HROB: variants seen among roughly 807,000 people sequenced by gnomAD.
HROB encodes homologous recombination factor with OB-fold, also known as homologous recombination OB-fold protein.
Under a neutral mutation model 61.0 loss-of-function variants are expected in HROB, and 44 were observed. The observed-to-expected ratio is 0.72, with a 90% CI of 0.57 to 0.93. The LOEUF (loss-of-function observed/expected upper bound fraction) is 0.93. HROB is among the 40% of genes least tolerant of loss of function. The probability of loss-of-function intolerance (pLI) is 0.00; values close to 1 mark genes in which losing one functional copy is unlikely to be tolerated. For synonymous variants in HROB, 301 were observed against 310.4 expected (o/e 0.97, Z 0.32); for missense variants, 716 against 796.2 (o/e 0.90, Z 1.21).
rs367741443 is a variant in HROB at position 44,148,970 on chromosome 17, C to T, written c.1167C>T (p.Pro389=). ...GGACACCCCAGCAGCCCACCCATCC[C>T]TCCACCCGAGCCAAAACTCGCCGTT... ...ASRTPQQPTH[P]STRAKTRRFP... The change falls in exon 3 of 10, where the codon CCC becomes CCT. Residue 389 remains proline (P), a synonymous_variant. Transcript: ENST00000585683. 42 of 1,613,972 alleles carry T rather than the reference C, an allele frequency of 2.6e-5. No homozygotes were observed. In the South Asian group the frequency reaches 4.0e-4, roughly 15 times the overall value.
At chr17:44,153,755 CAA>C (rs963832621) in intron 5 of HROB, among the ~76,000 whole-genome samples, 2 of 151,780 alleles carry the variant, frequency 1.3e-5, no homozygotes, top group Non-Finnish European at 2.9e-5. Flanking sequence ...AAGAAAAAAA[CAA>C]AAACCAAACA....
Position 44,145,247 on chromosome 17 carries a change from A to G in HROB, c.48A>G (p.Glu16=). The change falls in exon 2 of 10, where the codon GAA becomes GAG. Residue 16 remains glutamate (E), a synonymous_variant. Transcript: ENST00000585683. The part of the protein sequence containing the change: ...QKLFAVEEEF[E]DEDFLSAVED... ...TGTTTGCTGTGGAAGAGGAGTTTGA[A>G]GATGAGGTAGGGAAGTGTTGATGAT... The G allele has an allele frequency of 6.2e-7, 1 of 1,613,828 alleles. No individual in the cohort carries two copies. The highest frequency in any genetic ancestry group is 8.5e-7 in the Non-Finnish European group (1 of 1,179,772).
In HROB at chr17:44,157,831, A is replaced by C; in HGVS notation, c.1771-2A>C. 6.2e-7 allele frequency: 1 copy of C among 1,611,288 alleles called. No individual in the cohort carries two copies. The highest frequency in any genetic ancestry group is 1.7e-4 in the Middle Eastern group (1 of 6,046). The stretch of plus-strand genomic sequence containing the variant: ...ATTGGTAACCAGATCCTCTGTCCCC[A>C]GGATTCAGGGAGCTTCCAGCATGAT... On this transcript the variant is annotated splice_acceptor_variant, in intron 8 of 9. Transcript: ENST00000585683. LOFTEE classifies it high-confidence loss of function.
chr17:44,151,070 T>C (rs1279067451), intron 4 of HROB, 26 bp downstream of exon 4: 1 of 1,581,856 alleles, frequency 6.3e-7, no homozygotes. Context: ...GTTAACTTTC[T>C]GGGTGTGATT....
chr17:44,149,457 C>G (rs2053731520), intron 3 of HROB, among the ~76,000 whole-genome samples: 1 of 152,162 alleles, frequency 6.6e-6, no homozygotes, highest in South Asian at 2.1e-4. Flanking sequence ...CCATATTGGC[C>G]AGGCTGGTCT....
chr17:44,151,123 CAA>C, intron 4 of HROB, 79 bp downstream of exon 4: 8 of 1,400,030 alleles, frequency 5.7e-6, no homozygotes, highest in South Asian at 1.2e-5. Context: ...AGTTAAGAAT[CAA>C]GAGCTGATGC....
At chr17:44,160,605 C>T (rs1485993512) in intron 9 of HROB, among the ~76,000 whole-genome samples, 2 of 152,072 alleles carry the variant, frequency 1.3e-5, no homozygotes, top group Non-Finnish European at 2.9e-5. Flanking sequence ...ATCTCTATAT[C>T]CTATTTCTAG....
chr17:44,148,129 G>C lies in HROB; in HGVS notation c.326G>C (p.Ser109Thr). 6.2e-7 allele frequency: 1 copy of C among 1,614,214 alleles called. No homozygotes were observed. Among genetic ancestry groups the C allele is most frequent in the Non-Finnish European group, 8.5e-7 (1 of 1,180,034 alleles). ...CTAAGGCCTGTCTCTACTTCCAGCA[G>C]CTGGATTGGCAATCAGAGAAGAGTG... is the stretch of plus-strand genomic sequence containing the variant. ...APLRPVSTSS[S>T]WIGNQRRVTV... is the part of the protein sequence containing the mutation. Residue 109 changes from serine to threonine, a missense_variant, in exon 3 of 10, where the codon AGC becomes ACC. Coordinates refer to ENST00000585683, the MANE Select transcript of HROB (RefSeq NM_001171251.3).
chr17:44,148,430 C>G lies in HROB; in HGVS notation c.627C>G (p.Cys209Trp), dbSNP rs1193278430. The G allele has an allele frequency of 1.2e-6, 2 of 1,613,956 alleles. No individual in the cohort carries two copies. The highest frequency in any genetic ancestry group is 1.7e-6 in the Non-Finnish European group (2 of 1,180,018). ...KARVVDLSGSCQKGPVPAIHK... is the reference protein window; with the variant it reads ...KARVVDLSGSWQKGPVPAIHK... The stretch of plus-strand genomic sequence containing the variant: ...GGGTAGTTGATCTGAGTGGATCTTG[C>G]CAGAAGGGGCCTGTGCCTGCCATCC... Residue 209 changes from cysteine (C) to tryptophan (W), a missense_variant, in exon 3 of 10, where the codon TGC becomes TGG. Transcript: ENST00000585683.
rs2053692018 is a variant in HROB, at chr17:44,148,592, A to G, written c.789A>G (p.Gln263=). The G allele has an allele frequency of 6.2e-7, 1 of 1,613,436 alleles. No individual in the cohort carries two copies. The highest frequency in any genetic ancestry group is 8.5e-7 in the Non-Finnish European group (1 of 1,179,898). The change falls in exon 3 of 10, where the codon CAA becomes CAG. Residue 263 remains glutamine (Q), a synonymous_variant. Coordinates refer to ENST00000585683, the MANE Select transcript of HROB (RefSeq NM_001171251.3). ...VPTALTVPTQ[Q]LHWEVCPQRS... Reference sequence around the variant, plus strand: ...CTGCCTTAACAGTTCCCACTCAGCAACTCCACTGGGAAGTCTGTCCGCAAC... The same window carrying G: ...CTGCCTTAACAGTTCCCACTCAGCAGCTCCACTGGGAAGTCTGTCCGCAAC...
chr17:44,145,101 A>G (rs2053573290), intron 1 of HROB, 102 bp from the exon 2 acceptor site: 4 of 1,296,614 alleles, frequency 3.1e-6, no homozygotes, highest in East Asian at 2.3e-5. Flanking sequence ...ACAAAAAACA[A>G]TATACCTGAT....
intron 2 of HROB, among the ~76,000 whole-genome samples, chr17:44,146,868 C>A (rs2053624788): frequency 1.3e-5 from 2 of 152,116 alleles, no homozygotes; most frequent in South Asian, 4.1e-4. Context: ...CAAAACCACC[C>A]TCAGAACAGG....
intron 7 of HROB, 35 bp downstream of exon 7, chr17:44,154,973 G>C (rs200748067): frequency 6.3e-7 from 1 of 1,597,558 alleles, no homozygotes; most frequent in South Asian, 1.1e-5. Context: ...ACTGCCCCCC[G>C]GATAGAGCCC....
Position 44,149,847 on chromosome 17 carries a change from GCA to G in HROB, c.1224+825_1224+826del, listed in dbSNP as rs538072261. Among the ~76,000 whole-genome samples the G allele has an allele frequency of 1.8e-4, 27 of 152,354 alleles. No individual in the cohort carries two copies. In the East Asian group the frequency reaches 5.2e-3, roughly 29 times the overall value. ...ATGTAAACAAACAAACATGCACAAA[GCA>G]CACAGTGTGAACAGGGGTCATTCCC... is the stretch of plus-strand genomic sequence containing the variant. On this transcript the variant is annotated intron_variant, in intron 3 of 9. Coordinates refer to ENST00000585683, the MANE Select transcript of HROB (RefSeq NM_001171251.3).
intron 7 of HROB, 45 bp downstream of exon 7, chr17:44,154,983 C>G (rs539146497): frequency 1.3e-6 from 2 of 1,586,134 alleles, no homozygotes; most frequent in East Asian, 2.3e-5. Flanking sequence ...GGATAGAGCC[C>G]TCAGTGTCTG....
intron 3 of HROB, 74 bp from the exon 4 acceptor site, chr17:44,150,887 A>G (rs1040181522): frequency 1.6e-6 from 2 of 1,279,950 alleles, no homozygotes; most frequent in Admixed American, 3.8e-5. Flanking sequence ...CATTATGTAA[A>G]CCAGACAATA....
At chr17:44,153,589 T>C (rs1488172578) in intron 5 of HROB, among the ~76,000 whole-genome samples, 1 of 151,206 alleles carries the variant, frequency 6.6e-6, no homozygotes, top group East Asian at 1.9e-4. Context: ...CTACTAAAAA[T>C]ACAAAATTAG....
chr17:44,159,051 A>G (rs746394141), intron 9 of HROB, among the ~76,000 whole-genome samples: 26 of 151,978 alleles, frequency 1.7e-4, no homozygotes, highest in Non-Finnish European at 3.5e-4. Flanking sequence ...CTGCCTCCCA[A>G]AGTACTGGGA....
intron 8 of HROB, 143 bp from the exon 9 acceptor site, chr17:44,157,690 C>T (rs919934626): frequency 2.4e-5 from 12 of 506,942 alleles, no homozygotes; most frequent in Non-Finnish European, 4.2e-5. Context: ...GCTGGGATTA[C>T]AGGTGTGAGC....
Sources: gnomAD v4.1 joint callset for allele counts (sites outside exome capture counted in the v4.1 genomes callset) on GRCh38, gnomAD v4.1.1 for gene constraint, MANE v1.5 for transcripts, NCBI Gene and HGNC (gene_info 2026-07-23, HGNC 2026-07-21) for gene names.